The following PAPPA2 variants were observed in gnomAD, a reference collection of about 807,000 sequenced individuals.
PAPPA2 encodes pappalysin 2.
Under a neutral mutation model 176.4 loss-of-function variants are expected in PAPPA2, and 86 were observed. The observed-to-expected ratio is 0.49, with a 90% CI of 0.41 to 0.58. PAPPA2 has a LOEUF of 0.58. Ranked by LOEUF, PAPPA2 falls within the 20% of genes least tolerant of loss-of-function variation. PAPPA2 has a pLI of 0.00. For missense variants in PAPPA2, 2,073 were observed against 2,256.9 expected (o/e 0.92, Z 1.65); for synonymous variants, 809 against 852.2 (o/e 0.95, Z 0.88).
chr1:176,578,037 A>C (rs953240261), intron 2 of PAPPA2, among the ~76,000 whole-genome samples: 2 of 151,756 alleles, frequency 1.3e-5, no homozygotes, highest in Admixed American at 6.6e-5. Context: ...ACAGAGCAGA[A>C]CTCTGCCATG....
In PAPPA2 at chr1:176,690,058, G is replaced by A. The variant is rs897131502; in HGVS notation, c.2138-79G>A. On this transcript the variant is annotated intron_variant, in intron 4 of 22. Transcript: ENST00000367662. The stretch of plus-strand genomic sequence containing the variant: ...TAGAGGCTGAAATGGAATATTTGAT[G>A]TTTATCAGAAAACATAATTAAGGAT... The A allele has an allele frequency of 4.6e-6, 6 of 1,293,534 alleles. No individual in the cohort carries two copies. In the African/African-American group the frequency reaches 7.4e-5, roughly 16 times the overall value. The allele number at this position is 1,293,534 out of a possible 1,614,324, so 80.1% of individuals were successfully genotyped here. A position where few individuals can be genotyped will look rare whatever the true frequency, so the allele number is the denominator to read the frequency against.
chr1:176,736,081 G>A (rs976196885), intron 12 of PAPPA2, among the ~76,000 whole-genome samples: 3 of 151,956 alleles, frequency 2.0e-5, no homozygotes, highest in East Asian at 1.9e-4. Flanking sequence ...TTCTTATGGG[G>A]CATCAATGAT....
intron 21 of PAPPA2, among the ~76,000 whole-genome samples, chr1:176,809,603 A>T (rs1267809024): frequency 6.6e-6 from 1 of 152,144 alleles, no homozygotes; most frequent in Non-Finnish European, 1.5e-5. Flanking sequence ...ACTCTATGGG[A>T]TGCAGAGGCC....
intron 3 of PAPPA2, among the ~76,000 whole-genome samples, chr1:176,667,642 C>A (rs182774742): frequency 7.9e-4 from 120 of 152,236 alleles, no homozygotes; most frequent in South Asian, 1.5e-3. Context: ...GGCTCCTCCT[C>A]TGGAGTGGGT....
At chr1:176,725,832 G>T (rs1224953984) in intron 12 of PAPPA2, among the ~76,000 whole-genome samples, 1 of 152,198 alleles carries the variant, frequency 6.6e-6, no homozygotes, top group Admixed American at 6.5e-5. Flanking sequence ...CCAGGCTGGA[G>T]TGCAGTGGCA....
chr1:176,695,463 A>G (rs1326290035), intron 6 of PAPPA2, among the ~76,000 whole-genome samples: 1 of 152,100 alleles, frequency 6.6e-6, no homozygotes, highest in Non-Finnish European at 1.5e-5. Context: ...TGTTCCTAGG[A>G]CAGAAAATGC....
chr1:176,604,972 G>A (rs951350480), intron 3 of PAPPA2, among the ~76,000 whole-genome samples: 5 of 152,092 alleles, frequency 3.3e-5, no homozygotes, highest in Admixed American at 6.5e-5. Context: ...CTATGGTAGC[G>A]TTGCCCCATT....
At chr1:176,835,499 C>T (rs550749541) in intron 21 of PAPPA2, among the ~76,000 whole-genome samples, 1 of 152,196 alleles carries the variant, frequency 6.6e-6, no homozygotes, top group African/African-American at 2.4e-5. Context: ...CTCACAAGCA[C>T]TTGCCTTTCA....
chr1:176,760,855 T>C (rs1663666312), intron 14 of PAPPA2, among the ~76,000 whole-genome samples: 1 of 152,170 alleles, frequency 6.6e-6, no homozygotes, highest in African/African-American at 2.4e-5. Context: ...AGAGTCTTGC[T>C]CTGTCACCCA....
intron 1 of PAPPA2, among the ~76,000 whole-genome samples, chr1:176,504,823 AC>A (rs1416390590): frequency 6.6e-6 from 1 of 152,120 alleles, no homozygotes; most frequent in African/African-American, 2.4e-5. Context: ...CTTTTCCTCT[AC>A]CATAGAACTG....
intron 17 of PAPPA2, among the ~76,000 whole-genome samples, chr1:176,781,365 CTTTTTTTTTTTTTTT>C (rs35029858): frequency 5.4e-4 from 25 of 46,240 alleles, no homozygotes; most frequent in East Asian, 1.8e-3. Context: ...TTGTAAGGGG[CTTTTTTTTTTTTTTT>C]TTTTTTTTTT....
At chr1:176,689,051 AG>A (rs1401898200) in intron 4 of PAPPA2, among the ~76,000 whole-genome samples, 1 of 152,194 alleles carries the variant, frequency 6.6e-6, no homozygotes, top group East Asian at 1.9e-4. Flanking sequence ...AAAGAAGGGC[AG>A]GGCCAGCTGG....
intron 3 of PAPPA2, among the ~76,000 whole-genome samples, chr1:176,667,343 G>A (rs1012359406): frequency 1.3e-5 from 2 of 152,186 alleles, no homozygotes; most frequent in African/African-American, 4.8e-5. Flanking sequence ...GGTGGAGTAA[G>A]GGGAGAGCCC....
chr1:176,826,468 C>G (rs1666866641), intron 21 of PAPPA2, among the ~76,000 whole-genome samples: 1 of 152,130 alleles, frequency 6.6e-6, no homozygotes, highest in African/African-American at 2.4e-5. Flanking sequence ...GACACTCGCA[C>G]AGAGAATAGG....
chr1:176,466,518 T>G (rs1190593761), intron 1 of PAPPA2, among the ~76,000 whole-genome samples: 1 of 152,042 alleles, frequency 6.6e-6, no homozygotes, highest in African/African-American at 2.4e-5. Flanking sequence ...AGAGATTAAG[T>G]TTCAAATGGT....
At chr1:176,496,419 T>TGGG (rs1171054886) in intron 1 of PAPPA2, among the ~76,000 whole-genome samples, 1 of 151,976 alleles carries the variant, frequency 6.6e-6, no homozygotes. Flanking sequence ...CAGGCAAAAA[T>TGGG]GGGAAGAGAA....
chr1:176,635,479 C>G (rs1656642193), intron 3 of PAPPA2, among the ~76,000 whole-genome samples: 1 of 152,116 alleles, frequency 6.6e-6, no homozygotes, highest in Non-Finnish European at 1.5e-5. Flanking sequence ...GTTTGGCCAG[C>G]CATCTTAGAA....
chr1:176,621,330 G>A (rs371902652), intron 3 of PAPPA2, among the ~76,000 whole-genome samples: 2 of 152,262 alleles, frequency 1.3e-5, no homozygotes, highest in African/African-American at 4.8e-5. Flanking sequence ...CAGAAAGTAT[G>A]TAATGTGCTC....
At position 176,627,612 on chromosome 1, in the gene PAPPA2, A is replaced by G. The variant is rs144445575; in HGVS notation, c.1991+32017A>G. Among the ~76,000 whole-genome samples the G allele has an allele frequency of 3.2e-4, 48 of 152,320 alleles. 1 individual carries two copies. In the Middle Eastern group the frequency reaches 0.01, roughly 33 times the overall value. ...GTTATTTTCATTATTTAAAAAATAC[A>G]TTTTTGCATTGTAATTTATCCTTCC... On this transcript the variant is annotated intron_variant, in intron 3 of 22. Transcript: ENST00000367662.
Sources: gnomAD v4.1 joint callset for allele counts (sites outside exome capture counted in the v4.1 genomes callset) on GRCh38, gnomAD v4.1.1 for gene constraint, MANE v1.5 for transcripts, NCBI Gene and HGNC (gene_info 2026-07-23, HGNC 2026-07-21) for gene names.